The following UQCC1 variants were observed in gnomAD, a reference collection of about 807,000 sequenced individuals.
UQCC1 encodes the protein ubiquinol-cytochrome c reductase complex assembly factor 1.
A neutral mutation model predicts 48.0 loss-of-function variants in UQCC1; 38 were observed. The observed-to-expected ratio is 0.79, with a 90% CI of 0.61 to 1.04. The LOEUF is 1.04. Among genes scored for constraint, UQCC1 ranks in the 50% least tolerant of loss-of-function variants. The probability of loss-of-function intolerance (pLI) is 0.00; values close to 1 mark genes in which losing one functional copy is unlikely to be tolerated. For synonymous variants in UQCC1, 111 were observed against 129.2 expected, an observed-to-expected ratio of 0.86 and a Z score of 0.95; for missense variants, 368 against 381.8, an observed-to-expected ratio of 0.96 and a Z score of 0.30.
intron 4 of UQCC1, among the ~76,000 whole-genome samples, chr20:35,379,696 C>T (rs1391293056): frequency 1.3e-5 from 2 of 152,102 alleles, no homozygotes; most frequent in African/African-American, 2.4e-5. Flanking sequence ...GTCCCAGCTA[C>T]TTAGGAGGCT....
intron 9 of UQCC1, 180 bp downstream of exon 9, chr20:35,306,486 G>A: frequency 1.7e-6 from 1 of 580,940 alleles, no homozygotes. Context: ...CCGCTCCCTG[G>A]CCCAGTTCAT....
chr20:35,320,446 A>G (rs562516096), intron 7 of UQCC1, among the ~76,000 whole-genome samples: 1 of 152,332 alleles, frequency 6.6e-6, no homozygotes, highest in East Asian at 1.9e-4. Context: ...ATCCAACTCC[A>G]TTGCCTACCT....
Position 35,304,021 on chromosome 20 carries a change from C to A in UQCC1, c.814G>T (p.Glu272Ter), listed in dbSNP as rs41290916. ...MNGEDLLLTG[E>*]VSWRPLVEKN... The stretch of plus-strand genomic sequence containing the variant: ...TCCACTAGAGGGCGCCAGCTCACCT[C>A]CCCTGTCAGAAGCAGATCCTCCCCG... Residue 272 changes from glutamate (E) to a stop codon, truncating the protein, a stop_gained, in exon 10 of 10, where the codon GAG becomes TAG. Coordinates refer to ENST00000374385, the MANE Select transcript of UQCC1 (RefSeq NM_018244.5). LOFTEE classifies it high-confidence loss of function. The A allele has an allele frequency of 3.1e-6, 5 of 1,614,042 alleles. No homozygotes were observed. The highest frequency in any genetic ancestry group is 4.2e-6 in the Non-Finnish European group (5 of 1,180,030).
At chr20:35,372,370 G>GA (rs1568689309) in intron 5 of UQCC1, among the ~76,000 whole-genome samples, 1 of 151,566 alleles carries the variant, frequency 6.6e-6, no homozygotes. Context: ...ATCAGATAGA[G>GA]AAAAAATATT....
At chr20:35,310,617 G>A (rs28534664) in intron 8 of UQCC1, among the ~76,000 whole-genome samples, 31,910 of 122,380 alleles carry the variant, frequency 0.26, 4,477 homozygotes, top group Middle Eastern at 0.4. Flanking sequence ...CTGCACTCCA[G>A]CCTGGCAACA....
intron 7 of UQCC1, among the ~76,000 whole-genome samples, chr20:35,341,305 A>G (rs2061376353): frequency 6.6e-6 from 1 of 152,158 alleles, no homozygotes; most frequent in African/African-American, 2.4e-5. Flanking sequence ...TTAAAAAATC[A>G]AGTAATTCCA....
intron 7 of UQCC1, among the ~76,000 whole-genome samples, chr20:35,334,875 G>C (rs1279753928): frequency 6.6e-6 from 1 of 152,174 alleles, no homozygotes; most frequent in Admixed American, 6.5e-5. Flanking sequence ...AGAATGTTAA[G>C]TCTGGAAGAG....
rs1178017410 is a variant in UQCC1, at chr20:35,402,616, AT to A, written c.25-8421del. ...ACAAACAAACAAACAAACAAACAAAATATATATATATATATAATATATATAA... is the reference window on the plus strand; with the variant it reads ...ACAAACAAACAAACAAACAAACAAAAATATATATATATATAATATATATAA... On this transcript the variant is annotated intron_variant, in intron 1 of 9. Coordinates refer to ENST00000374385, the MANE Select transcript of UQCC1 (RefSeq NM_018244.5). Among the ~76,000 whole-genome samples, 25 of 136,854 alleles carry A rather than the reference AT, an allele frequency of 1.8e-4. 1 individual carries two copies. The highest frequency in any genetic ancestry group is 6.9e-4 in the African/African-American group (24 of 34,624). 89.8% of individuals were successfully genotyped at this position (136,854 alleles called of 152,430 possible).
At chr20:35,346,934 A>G (rs1323556415) in intron 7 of UQCC1, 2 of 1,456,290 alleles carry the variant, frequency 1.4e-6, no homozygotes, top group Non-Finnish European at 1.8e-6. Flanking sequence ...ATCTCCATAC[A>G]GGATGACTTC....
chr20:35,336,220 A>G (rs1207372322), intron 7 of UQCC1, among the ~76,000 whole-genome samples: 1 of 152,218 alleles, frequency 6.6e-6, no homozygotes, highest in Admixed American at 6.5e-5. Flanking sequence ...GTTCCAATCC[A>G]GGCTCCCATA....
intron 7 of UQCC1, among the ~76,000 whole-genome samples, chr20:35,336,327 C>A (rs981818): frequency 0.48 from 73,153 of 152,032 alleles, 19,347 homozygotes; most frequent in African/African-American, 0.71. Context: ...GGAACCTGTG[C>A]GTGTTACCTT....
chr20:35,366,756 A>G, intron 5 of UQCC1, 142 bp from the exon 6 acceptor site: 1 of 639,216 alleles, frequency 1.6e-6, no homozygotes, highest in Non-Finnish European at 2.7e-6. Context: ...ATAGGGCGAG[A>G]CCACAGGATA....
At chr20:35,319,773 A>C (rs1654706523) in intron 7 of UQCC1, among the ~76,000 whole-genome samples, 1 of 152,242 alleles carries the variant, frequency 6.6e-6, no homozygotes, top group Non-Finnish European at 1.5e-5. Flanking sequence ...TAATTAAAGT[A>C]GCATTCTCAA....
rs2062338330 is a variant in UQCC1 at position 35,410,670 on chromosome 20, A to G, written c.24+1270T>C. Among the ~76,000 whole-genome samples the G allele has an allele frequency of 4.5e-5, 6 of 134,740 alleles. No homozygotes were observed. The Admixed American group carries it at 4.9e-4, about 11-fold the overall frequency. The allele number at this position is 134,740 out of a possible 152,430, so 88.4% of individuals were successfully genotyped here. A position where few individuals can be genotyped will look rare whatever the true frequency, so the allele number is the denominator to read the frequency against. On this transcript the variant is annotated intron_variant, in intron 1 of 9. Coordinates refer to ENST00000374385, the MANE Select transcript of UQCC1 (RefSeq NM_018244.5). Reference sequence around the variant, plus strand: ...AGTGAGCCCGAGATGGCACCACTGCACTCCAGCTTCGGCGACAGAGCAAGA... The same window carrying G: ...AGTGAGCCCGAGATGGCACCACTGCGCTCCAGCTTCGGCGACAGAGCAAGA...
intron 6 of UQCC1, among the ~76,000 whole-genome samples, chr20:35,357,949 A>C (rs1330245917): frequency 6.6e-6 from 1 of 152,192 alleles, no homozygotes; most frequent in Non-Finnish European, 1.5e-5. Flanking sequence ...CACTGATTTA[A>C]AGTCATAATG....
chr20:35,391,149 G>A (rs950106523), intron 2 of UQCC1, among the ~76,000 whole-genome samples: 5 of 151,298 alleles, frequency 3.3e-5, no homozygotes, highest in Admixed American at 1.3e-4. Flanking sequence ...AGCCAAGATC[G>A]CACCACTGCA....
intron 2 of UQCC1, among the ~76,000 whole-genome samples, chr20:35,389,729 T>C (rs1005776089): frequency 6.6e-6 from 1 of 152,146 alleles, no homozygotes; most frequent in Admixed American, 6.5e-5. Context: ...GTAGGAATGA[T>C]GGAAATAAAA....
chr20:35,379,874 A>C (rs1015819280), intron 4 of UQCC1, among the ~76,000 whole-genome samples: 1 of 152,216 alleles, frequency 6.6e-6, no homozygotes, highest in Non-Finnish European at 1.5e-5. Flanking sequence ...TCACATCACA[A>C]GAGTTTTAAA....
chr20:35,306,954 T>C, intron 8 of UQCC1, 175 bp from the exon 9 acceptor site: 1 of 660,560 alleles, frequency 1.5e-6, no homozygotes, highest in East Asian at 2.8e-5. Context: ...TACAAGGGTA[T>C]CTGGCCCAAT....
Sources: allele counts gnomAD v4.1 joint callset (sites outside exome capture counted in the v4.1 genomes callset), GRCh38; gene constraint gnomAD v4.1.1; transcripts MANE v1.5; gene names NCBI Gene and HGNC (gene_info 2026-07-23, HGNC 2026-07-21).